The following SMARCAL1 variants were observed in gnomAD, a reference collection of about 807,000 sequenced individuals.
SMARCAL1 encodes SNF2 related chromatin remodeling annealing helicase 1, also known as ATP-driven annealing helicase.
A neutral mutation model predicts 94.5 loss-of-function variants in SMARCAL1; 58 were observed. The ratio of observed to expected loss-of-function variants is 0.61; its 90% CI spans 0.50 to 0.76. The LOEUF is 0.76. SMARCAL1 is among the 30% of genes least tolerant of loss of function. The pLI is 0.00. For missense variants in SMARCAL1, 1,051 were observed against 1,177.9 expected (o/e 0.89, Z 1.58); for synonymous variants, 422 against 455.1 (o/e 0.93, Z 0.93).
intron 5 of SMARCAL1, 126 bp downstream of exon 5, chr2:216,420,658 T>G: frequency 2.6e-6 from 2 of 760,482 alleles, no homozygotes; most frequent in South Asian, 2.9e-5. Flanking sequence ...GTTCTGCTCC[T>G]CTTCCTATAG....
At chr2:216,416,830 A>G (rs1356917561) in intron 4 of SMARCAL1, among the ~76,000 whole-genome samples, 2 of 152,198 alleles carry the variant, frequency 1.3e-5, no homozygotes, top group Non-Finnish European at 2.9e-5. Context: ...GCAGCTAACT[A>G]CTCAAAAATG....
Position 216,461,477 on chromosome 2 carries a change from A to G in SMARCAL1, c.2071-3120A>G, listed in dbSNP as rs117415688. ...GATCATACAAACACGTCAAGTGGGA[A>G]GGAAAACAGGTTACTGTCTTATGAA... is the stretch of plus-strand genomic sequence containing the variant. On this transcript the variant is annotated intron_variant, in intron 12 of 17. Coordinates refer to ENST00000357276, the MANE Select transcript of SMARCAL1 (RefSeq NM_014140.4). Among the ~76,000 whole-genome samples, 437 of 152,274 alleles carry G rather than the reference A, an allele frequency of 2.9e-3. 6 individuals carry two copies. Among genetic ancestry groups the G allele is most frequent in the East Asian group, 0.025 (131 of 5,184 alleles).
chr2:216,432,115 G>A (rs1166037271), intron 7 of SMARCAL1, among the ~76,000 whole-genome samples: 2 of 150,858 alleles, frequency 1.3e-5, no homozygotes, highest in South Asian at 2.1e-4. Context: ...TCTGCCTCCC[G>A]GGTTCAAGCG....
At position 216,438,405 on chromosome 2, in the gene SMARCAL1, G is replaced by A. The variant is rs745908524; in HGVS notation, c.1645-15G>A. On this transcript the variant is annotated splice_polypyrimidine_tract_variant and intron_variant, in intron 9 of 17. Coordinates refer to ENST00000357276, the MANE Select transcript of SMARCAL1 (RefSeq NM_014140.4). ...GGATTGGATCTTGTACACTTATGTG[G>A]CTACTTCTTTTCAGGATGAATCTCA... 4.3e-6 allele frequency: 7 copies of A among 1,611,860 alleles called. No homozygotes were observed. In the African/African-American group the frequency reaches 8.0e-5, roughly 18 times the overall value.
intron 3 of SMARCAL1, chr2:216,416,021 T>C: frequency 2.1e-6 from 1 of 487,140 alleles, no homozygotes; most frequent in Non-Finnish European, 3.8e-6. Context: ...CTGCCCTCAG[T>C]CCTCTTAGGT....
Position 216,482,606 on chromosome 2 carries a change from T to C in SMARCAL1, c.2626-132T>C, listed in dbSNP as rs1042215921. 3.9e-6 allele frequency: 5 copies of C among 1,280,292 alleles called. No individual in the cohort carries two copies. Among genetic ancestry groups the C allele is most frequent in the Non-Finnish European group, 4.5e-6 (4 of 886,830 alleles). The allele number at this position is 1,280,292 out of a possible 1,614,324, so 79.3% of individuals were successfully genotyped here. On this transcript the variant is annotated intron_variant, in intron 17 of 17. Transcript: ENST00000357276. This position sits in a 1 kb window ranked among gnomAD's most constrained non-coding sequence, Gnocchi z 4.3. The stretch of plus-strand genomic sequence containing the variant: ...TTGCTGAGATGATGCACACTTGCCA[T>C]CGTGTAGCTCCCTGACACCATGAAA...
chr2:216,433,594 G>T (rs375202824), intron 8 of SMARCAL1, among the ~76,000 whole-genome samples: 2 of 152,118 alleles, frequency 1.3e-5, no homozygotes, highest in Non-Finnish European at 1.5e-5. Context: ...CTCTGTAGAG[G>T]GGGGAGTGAG....
At chr2:216,430,397 C>T (rs111757796) in intron 7 of SMARCAL1, among the ~76,000 whole-genome samples, 65 of 152,322 alleles carry the variant, frequency 4.3e-4, no homozygotes, top group Non-Finnish European at 7.8e-4. Context: ...TCACCCTCTT[C>T]AGCAGGTGAA....
chr2:216,444,000 A>C (rs1208570321), intron 10 of SMARCAL1, among the ~76,000 whole-genome samples: 1 of 152,186 alleles, frequency 6.6e-6, no homozygotes. Context: ...AGTGACTGTG[A>C]TCCCACATTT....
chr2:216,482,915 C>T lies in SMARCAL1; in HGVS notation c.2803C>T (p.Pro935Ser). The T allele has an allele frequency of 6.2e-7, 1 of 1,614,018 alleles. No individual in the cohort carries two copies. Among genetic ancestry groups the T allele is most frequent in the Non-Finnish European group, 8.5e-7 (1 of 1,179,990 alleles). Residue 935 changes from proline to serine, a missense_variant, in exon 18 of 18, where the codon CCA (proline) becomes TCA (serine). By Grantham distance (74) the Pro-to-Ser change is moderately conservative (BLOSUM62 -1). This residue lies in a region of SMARCAL1 where 642 missense variants were observed against 754.7 expected (regional missense o/e 0.85). Transcript: ENST00000357276. This position sits in a 1 kb window ranked among gnomAD's most constrained non-coding sequence, Gnocchi z 4.3. ...TLDESSLTASPQKKRRFEFFD... is the reference protein window; with the variant it reads ...TLDESSLTASSQKKRRFEFFD... ...GGATGAAAGCTCATTGACAGCCAGT[C>T]CACAGAAGAAAAGGAGATTTGAATT...
chr2:216,473,807 A>T (rs1270396509), intron 14 of SMARCAL1, among the ~76,000 whole-genome samples: 1 of 152,236 alleles, frequency 6.6e-6, no homozygotes, highest in Non-Finnish European at 1.5e-5. Context: ...CTAAACATGC[A>T]GTTACCATAC....
At chr2:216,415,995 G>A (rs1190975487) in intron 3 of SMARCAL1, 3 of 453,530 alleles carry the variant, frequency 6.6e-6, no homozygotes, top group Non-Finnish European at 1.2e-5. Flanking sequence ...GGAGAACTTG[G>A]ATTCTAGTCC....
chr2:216,443,561 A>G (rs769688277), intron 10 of SMARCAL1, among the ~76,000 whole-genome samples: 6 of 152,198 alleles, frequency 3.9e-5, no homozygotes, highest in East Asian at 1.9e-4. Context: ...TACAGCAGCA[A>G]TGCTCACTTA....
At chr2:216,431,927 C>G (rs1214252487) in intron 7 of SMARCAL1, among the ~76,000 whole-genome samples, 1 of 152,210 alleles carries the variant, frequency 6.6e-6, no homozygotes, top group African/African-American at 2.4e-5. Flanking sequence ...CTGTCTTTGC[C>G]AGCCCCTTTC....
intron 15 of SMARCAL1, among the ~76,000 whole-genome samples, chr2:216,476,865 T>C (rs1226885342): frequency 6.6e-6 from 1 of 152,218 alleles, no homozygotes; most frequent in African/African-American, 2.4e-5. Context: ...CTGCAGATCT[T>C]CTGCTTCAGA....
rs376210017 is a variant in SMARCAL1, at chr2:216,451,391, G to A, written c.2070+327G>A. 12 of 372,896 alleles carry A rather than the reference G, an allele frequency of 3.2e-5. No homozygotes were observed. The East Asian group carries it at 5.8e-4, about 18-fold the overall frequency. 23.1% of individuals were successfully genotyped at this position (372,896 alleles called of 1,614,324 possible). A position where few individuals can be genotyped will look rare whatever the true frequency, so the allele number is the denominator to read the frequency against. On this transcript the variant is annotated intron_variant, in intron 12 of 17. Transcript: ENST00000357276. ...ATTATGTCTACTATATTTTGAGAAT[G>A]CATCAGTCTAGTAACAGTTGTTAGA... is the stretch of plus-strand genomic sequence containing the variant.
At chr2:216,453,646 A>AT (rs986507449) in intron 12 of SMARCAL1, among the ~76,000 whole-genome samples, 23 of 151,924 alleles carry the variant, frequency 1.5e-4, no homozygotes, top group Non-Finnish European at 2.9e-4. Flanking sequence ...ATGGGGACTT[A>AT]TTTTTTTTAT....
intron 14 of SMARCAL1, among the ~76,000 whole-genome samples, chr2:216,469,907 T>C (rs1694924360): frequency 6.6e-6 from 1 of 152,214 alleles, no homozygotes; most frequent in African/African-American, 2.4e-5. Flanking sequence ...AACTTTTTAA[T>C]TTTACCAATC....
intron 15 of SMARCAL1, 102 bp from the exon 16 acceptor site, chr2:216,477,006 GT>G: frequency 1.1e-6 from 1 of 874,130 alleles, no homozygotes; most frequent in Middle Eastern, 3.3e-4. Flanking sequence ...AGGAGGGAGG[GT>G]TGTGGTGGGA....
Sources: gnomAD v4.1 joint callset for allele counts (sites outside exome capture counted in the v4.1 genomes callset) on GRCh38, gnomAD v4.1.1 for gene constraint, gnomAD v4.1.1 regional missense constraint, Gnocchi (gnomAD v3.1) non-coding constraint, MANE v1.5 for transcripts, NCBI Gene and HGNC (gene_info 2026-07-23, HGNC 2026-07-21) for gene names.